TACC2: variants seen among roughly 807,000 people sequenced by gnomAD.
The protein encoded by TACC2 is transforming acidic coiled-coil containing protein 2, also known as transforming acidic coiled-coil-containing protein 2.
A neutral mutation model predicts 227.3 loss-of-function variants in TACC2; 137 were observed. The observed-to-expected ratio is 0.60, with a 90% CI of 0.52 to 0.69. The LOEUF (loss-of-function observed/expected upper bound fraction) is 0.69, where lower values mean the gene tolerates loss of function less well. TACC2 is among the 30% of genes least tolerant of loss of function. The pLI, the probability that TACC2 is intolerant of heterozygous loss-of-function variation, is 0.00. For missense variants in TACC2, 3,470 were observed against 3,694.4 expected (o/e 0.94, Z 1.57); for synonymous variants, 1,523 against 1,487.5 (o/e 1.02, Z -0.55).
intron 16 of TACC2, among the ~76,000 whole-genome samples, chr10:122,233,585 GC>G (rs2095800080): frequency 6.6e-6 from 1 of 152,184 alleles, no homozygotes; most frequent in African/African-American, 2.4e-5. Context: ...CTGGCAGCAT[GC>G]TCTGTGTTTC....
chr10:122,087,301 C>T lies in TACC2; in HGVS notation c.4801C>T (p.Gln1601Ter), dbSNP rs1289465351. 3.1e-6 allele frequency: 5 copies of T among 1,613,954 alleles called. No individual in the cohort carries two copies. The South Asian group carries it at 4.4e-5, about 14-fold the overall frequency. Residue 1601 changes from glutamine (Q) to a stop codon, truncating the protein, a stop_gained, in exon 4 of 23, where the codon CAG becomes TAG. Transcript: ENST00000369005. LOFTEE classifies it high-confidence loss of function. ...QDRIPSGKQHQETSACDSPHG... is the reference protein window; with the variant it reads ...QDRIPSGKQH ...CAGAATTCCTTCTGGAAAGCAGCAC[C>T]AGGAAACATCTGCCTGCGACAGTCC...
intron 3 of TACC2, among the ~76,000 whole-genome samples, chr10:122,055,261 C>T (rs968743047): frequency 6.6e-6 from 1 of 152,186 alleles, no homozygotes; most frequent in African/African-American, 2.4e-5. Context: ...GTGACGTGAA[C>T]AAGCATGAGG....
chr10:122,118,020 T>C (rs1276712378), intron 5 of TACC2, among the ~76,000 whole-genome samples: 6 of 150,692 alleles, frequency 4.0e-5, no homozygotes, highest in South Asian at 4.2e-4. Context: ...TTTTTCTTTT[T>C]TTTTTTTTTT....
intron 6 of TACC2, among the ~76,000 whole-genome samples, chr10:122,136,736 T>C (rs1169156993): frequency 6.6e-6 from 1 of 151,932 alleles, no homozygotes; most frequent in Non-Finnish European, 1.5e-5. Context: ...GTATTTTTAG[T>C]ATAGATGGTG....
intron 5 of TACC2, among the ~76,000 whole-genome samples, chr10:122,103,879 C>A (rs532065244): frequency 6.6e-6 from 1 of 152,198 alleles, no homozygotes; most frequent in Non-Finnish European, 1.5e-5. Flanking sequence ...GTGAGCACTG[C>A]AGGAAGGCTT....
intron 3 of TACC2, 72 bp from the exon 4 acceptor site, chr10:122,082,572 TGGG>T: frequency 1.3e-6 from 2 of 1,507,454 alleles, no homozygotes; most frequent in Admixed American, 4.0e-5. Flanking sequence ...GGGGGTGGGT[TGGG>T]GGGTGACCTG....
chr10:122,163,539 G>C, intron 7 of TACC2: 1 of 987,566 alleles, frequency 1.0e-6, no homozygotes, highest in Non-Finnish European at 1.2e-6. Context: ...TGCAGGCGTT[G>C]GGGCTGCTCG....
intron 1 of TACC2, among the ~76,000 whole-genome samples, chr10:121,995,489 T>C (rs1953333014): frequency 6.6e-6 from 1 of 152,236 alleles, no homozygotes; most frequent in East Asian, 1.9e-4. Context: ...CGTATGTGTG[T>C]ATACAGGGGG....
intron 4 of TACC2, 140 bp downstream of exon 4, chr10:122,088,099 G>A (rs984429711): frequency 4.3e-6 from 4 of 926,898 alleles, no homozygotes; most frequent in Admixed American, 3.7e-5. Flanking sequence ...AAATGAACCT[G>A]CTTACCCCCT....
Position 122,050,621 on chromosome 10 carries a change from C to G in TACC2, c.146+71C>G. 1.6e-6 allele frequency: 2 copies of G among 1,275,016 alleles called. No individual in the cohort carries two copies. Among genetic ancestry groups the G allele is most frequent in the Non-Finnish European group, 2.3e-6 (2 of 887,734 alleles). The allele number at this position is 1,275,016 out of a possible 1,614,324, so 79.0% of individuals were successfully genotyped here. A position where few individuals can be genotyped will look rare whatever the true frequency, so the allele number is the denominator to read the frequency against. ...CGCTCATTGCCTGCTCCAGCATTAG[C>G]TTTGCCCCATTTGCTTTGGAAACTG... On this transcript the variant is annotated intron_variant, in intron 3 of 22. Coordinates refer to ENST00000369005, the MANE Select transcript of TACC2 (RefSeq NM_206862.4). The surrounding 1 kb of genome is among the most constrained non-coding windows in gnomAD (Gnocchi z 4.6).
chr10:122,245,554 A>G (rs2096092076), intron 19 of TACC2, among the ~76,000 whole-genome samples: 1 of 152,186 alleles, frequency 6.6e-6, no homozygotes, highest in Non-Finnish European at 1.5e-5. Flanking sequence ...AATTCCAAGA[A>G]TAAAAACAAG....
At chr10:122,224,633 C>A in intron 11 of TACC2, 93 bp from the exon 12 acceptor site, 1 of 1,104,704 alleles carries the variant, frequency 9.1e-7, no homozygotes, top group Non-Finnish European at 1.4e-6. Flanking sequence ...TGATAGCTCC[C>A]ACCCTGCCTG....
At position 122,086,859 on chromosome 10, in the gene TACC2, T is replaced by G; in HGVS notation, c.4359T>G (p.Asp1453Glu). The G allele has an allele frequency of 6.2e-7, 1 of 1,613,966 alleles. No homozygotes were observed. The highest frequency in any genetic ancestry group is 8.5e-7 in the Non-Finnish European group (1 of 1,179,996). ...CATTGGGCCCAGAGAAGCTTCTAGA[T>G]GGGCCTCCAGGAGTGGATGTCACCC... The part of the protein sequence containing the change: ...TRPLGPEKLL[D>E]GPPGVDVTLL... Residue 1453 changes from aspartate to glutamate, a missense_variant, in exon 4 of 23, where the codon GAT becomes GAG. Coordinates refer to ENST00000369005, the MANE Select transcript of TACC2 (RefSeq NM_206862.4).
intron 6 of TACC2, among the ~76,000 whole-genome samples, chr10:122,138,909 G>A (rs2090102337): frequency 6.6e-6 from 1 of 152,078 alleles, no homozygotes; most frequent in Admixed American, 6.5e-5. Flanking sequence ...AAATAATCTT[G>A]GATATCCAAG....
At chr10:122,005,966 A>G (rs933026904) in intron 1 of TACC2, among the ~76,000 whole-genome samples, 1 of 152,038 alleles carries the variant, frequency 6.6e-6, no homozygotes, top group African/African-American at 2.4e-5. Context: ...AAGTGTTGGG[A>G]TTATAGGTGT....
intron 2 of TACC2, among the ~76,000 whole-genome samples, chr10:122,032,485 G>C (rs112273499): frequency 6.6e-6 from 1 of 152,184 alleles, no homozygotes; most frequent in Non-Finnish European, 1.5e-5. Context: ...ACAGATTAAA[G>C]ACCAGGCATT....
At chr10:122,018,699 G>A (rs986185245) in intron 1 of TACC2, among the ~76,000 whole-genome samples, 4 of 152,116 alleles carry the variant, frequency 2.6e-5, no homozygotes, top group Admixed American at 2.0e-4. Flanking sequence ...GTTCCTCCTC[G>A]TTGTAGCATG....
At chr10:122,221,036 T>A (rs1429554542) in intron 11 of TACC2, among the ~76,000 whole-genome samples, 1 of 152,208 alleles carries the variant, frequency 6.6e-6, no homozygotes, top group Non-Finnish European at 1.5e-5. Context: ...CTTTCCTACC[T>A]AGGTCCATAG....
chr10:122,021,336 C>T (rs1204838985), intron 1 of TACC2, among the ~76,000 whole-genome samples: 2 of 152,072 alleles, frequency 1.3e-5, no homozygotes, highest in South Asian at 2.1e-4. Flanking sequence ...TACATGATCT[C>T]GTCTGGTCCC....
Sources: allele counts gnomAD v4.1 joint callset (sites outside exome capture counted in the v4.1 genomes callset), GRCh38; gene constraint gnomAD v4.1.1; non-coding constraint Gnocchi (gnomAD v3.1); transcripts MANE v1.5; gene names NCBI Gene and HGNC (gene_info 2026-07-23, HGNC 2026-07-21).